The following ELAPOR2 variants were observed in gnomAD, a reference collection of about 807,000 sequenced individuals.
The protein encoded by ELAPOR2 is endosome/lysosome-associated apoptosis and autophagy regulator family member 2.
ELAPOR2 carries 89 observed loss-of-function variants against 120.7 expected under a neutral mutation model. The observed-to-expected ratio is 0.74, with a 90% CI of 0.62 to 0.88. ELAPOR2 has a LOEUF of 0.88. Ranked by LOEUF, ELAPOR2 falls within the 40% of genes least tolerant of loss-of-function variation. The pLI, the probability that ELAPOR2 is intolerant of heterozygous loss-of-function variation, is 0.00. For missense variants in ELAPOR2, 1,134 were observed against 1,251.6 expected (o/e 0.91, Z 1.42); for synonymous variants, 444 against 444.9 (o/e 1.00, Z 0.03).
chr7:86,913,760 T>C (rs1029052158), intron 13 of ELAPOR2, among the ~76,000 whole-genome samples: 17 of 152,330 alleles, frequency 1.1e-4, no homozygotes, highest in Admixed American at 1.1e-3. Context: ...ACAGAAAAGA[T>C]GTGGACTAGA....
At position 86,966,494 on chromosome 7, in the gene ELAPOR2, CA is replaced by C. The variant is rs200634047; in HGVS notation, c.190-1471del. On this transcript the variant is annotated intron_variant, in intron 1 of 21. Transcript: ENST00000450689. ...TCTCTAAAATCCACATTTCTACCAA[CA>C]GTCTGTTCAAGGCCATCTAGACTTT... 9.9e-3 allele frequency among the ~76,000 whole-genome samples: 1,512 copies of C among 152,286 alleles called. 28 individuals carry two copies. The highest frequency in any genetic ancestry group is 0.034 in the African/African-American group (1,431 of 41,568).
chr7:87,048,347 G>A (rs1795012660), intron 1 of ELAPOR2, among the ~76,000 whole-genome samples: 1 of 152,134 alleles, frequency 6.6e-6, no homozygotes, highest in South Asian at 2.1e-4. Flanking sequence ...GATAGAACTG[G>A]AGGTAATTGT....
intron 3 of ELAPOR2, among the ~76,000 whole-genome samples, 190 bp downstream of exon 3, chr7:86,947,537 T>C (rs185796422): frequency 1.3e-5 from 2 of 152,342 alleles, no homozygotes; most frequent in Admixed American, 1.3e-4. Flanking sequence ...GTCTATTATA[T>C]CCTGAGGGCA....
intron 1 of ELAPOR2, among the ~76,000 whole-genome samples, chr7:86,972,243 C>T (rs1792129158): frequency 6.6e-6 from 1 of 152,122 alleles, no homozygotes; most frequent in Non-Finnish European, 1.5e-5. Context: ...GGTTGTATCG[C>T]TCATCAGAAT....
intron 1 of ELAPOR2, among the ~76,000 whole-genome samples, chr7:87,042,188 A>G (rs1206790969): frequency 6.6e-6 from 1 of 150,870 alleles, no homozygotes; most frequent in African/African-American, 2.5e-5. Flanking sequence ...CACTGTCAAC[A>G]TTAGACAGAT....
At chr7:86,987,441 T>C (rs896751930) in intron 1 of ELAPOR2, among the ~76,000 whole-genome samples, 1 of 152,152 alleles carries the variant, frequency 6.6e-6, no homozygotes, top group Admixed American at 6.5e-5. Context: ...TTTTGCAATC[T>C]ACCCATCTGA....
intron 1 of ELAPOR2, among the ~76,000 whole-genome samples, chr7:86,979,178 G>A (rs369074800): frequency 2.0e-4 from 30 of 152,266 alleles, no homozygotes; most frequent in African/African-American, 7.2e-4. Flanking sequence ...AAAAGTTAAT[G>A]TATACAAAAG....
Position 86,908,541 on chromosome 7 carries a change from C to A in ELAPOR2, c.2362G>T (p.Val788Phe). ...TTTTTCAATGTGGTTTCAACTGTGACTCCTAGATGACATTTAAAAAGAAAC... is the reference window on the plus strand; with the variant it reads ...TTTTTCAATGTGGTTTCAACTGTGAATCCTAGATGACATTTAAAAAGAAAC... ...SIILADTFIG[V>F]TVETTLKNIN... Residue 788 changes from valine (V) to phenylalanine (F), a missense_variant and splice_region_variant, in exon 17 of 22, where the codon GTC becomes TTC. Val to Phe is a conservative substitution (Grantham distance 50). This residue lies in a region of ELAPOR2 where 831 missense variants were observed against 867.6 expected (regional missense o/e 0.96). Transcript: ENST00000450689. The A allele has an allele frequency of 6.9e-7, 1 of 1,450,062 alleles. No homozygotes were observed. The highest frequency in any genetic ancestry group is 9.4e-7 in the Non-Finnish European group (1 of 1,058,306). 89.8% of individuals were successfully genotyped at this position (1,450,062 alleles called of 1,614,324 possible). A position where few individuals can be genotyped will look rare whatever the true frequency, so the allele number is the denominator to read the frequency against.
At chr7:87,000,215 C>T (rs1004065811) in intron 1 of ELAPOR2, among the ~76,000 whole-genome samples, 5 of 152,084 alleles carry the variant, frequency 3.3e-5, no homozygotes, top group Non-Finnish European at 7.4e-5. Context: ...CAAAAGGAGA[C>T]GTATGCAAAT....
In ELAPOR2 at chr7:86,903,707, C is replaced by A. The variant is rs530650260; in HGVS notation, c.2558+3963G>T. 2.0e-5 allele frequency among the ~76,000 whole-genome samples: 3 copies of A among 152,166 alleles called. No homozygotes were observed. The South Asian group carries it at 6.2e-4, about 32-fold the overall frequency. On this transcript the variant is annotated intron_variant, in intron 18 of 21. Coordinates refer to ENST00000450689, the MANE Select transcript of ELAPOR2 (RefSeq NM_001142749.3). ...GTTCCTTTTGTGAGATTCAATATTCCCAGAGGCTATACTGATAATGGAGAT... is the reference window on the plus strand; with the variant it reads ...GTTCCTTTTGTGAGATTCAATATTCACAGAGGCTATACTGATAATGGAGAT...
At chr7:86,967,746 C>G (rs997630820) in intron 1 of ELAPOR2, among the ~76,000 whole-genome samples, 4 of 152,146 alleles carry the variant, frequency 2.6e-5, no homozygotes, top group Non-Finnish European at 5.9e-5. Flanking sequence ...ATGTCATGTG[C>G]CAATTAATTT....
intron 8 of ELAPOR2, among the ~76,000 whole-genome samples, chr7:86,934,864 C>T (rs1790498768): frequency 6.6e-6 from 1 of 151,984 alleles, no homozygotes; most frequent in South Asian, 2.1e-4. Flanking sequence ...TTCTCTCTAA[C>T]CAAATAGTAC....
In ELAPOR2 at chr7:86,941,333, A is replaced by G. The variant is rs112545820; in HGVS notation, c.741+685T>C. 105 of 532,338 alleles carry G rather than the reference A, an allele frequency of 2.0e-4. 1 individual carries two copies. Among genetic ancestry groups the G allele is most frequent in the African/African-American group, 1.6e-3 (83 of 52,006 alleles). 33.0% of individuals were successfully genotyped at this position (532,338 alleles called of 1,614,324 possible). ...AAGAGATGGTGCCTCAAATAATAAC[A>G]GATTCACTGAATTGTTACCTGGTAA... is the stretch of plus-strand genomic sequence containing the variant. On this transcript the variant is annotated intron_variant, in intron 5 of 21. Transcript: ENST00000450689.
intron 1 of ELAPOR2, among the ~76,000 whole-genome samples, chr7:87,045,809 G>A (rs1013619019): frequency 2.8e-4 from 43 of 151,230 alleles, no homozygotes; most frequent in African/African-American, 9.5e-4. Context: ...ATACCTCAAC[G>A]TAATAAAAGC....
intron 2 of ELAPOR2, among the ~76,000 whole-genome samples, chr7:86,951,355 T>C (rs1244804485): frequency 6.6e-6 from 1 of 152,194 alleles, no homozygotes; most frequent in Non-Finnish European, 1.5e-5. Context: ...TAATAAAAGG[T>C]AATATTTTAT....
intron 1 of ELAPOR2, among the ~76,000 whole-genome samples, chr7:87,036,597 G>C (rs1223450715): frequency 1.3e-5 from 2 of 152,118 alleles, no homozygotes; most frequent in African/African-American, 4.8e-5. Flanking sequence ...GAATACTATA[G>C]AGCCATAAAA....
At chr7:86,908,237 A>G (rs978332074) in intron 17 of ELAPOR2, among the ~76,000 whole-genome samples, 1 of 151,696 alleles carries the variant, frequency 6.6e-6, no homozygotes, top group Non-Finnish European at 1.5e-5. Flanking sequence ...ACTTTTTACT[A>G]TCCTTCATTT....
rs1352843731 is a variant in ELAPOR2, at chr7:87,043,996, C to G, written c.189+15329G>C. ...CAGAGAGCCAAATCATGAGTGAACT[C>G]CCATTCACAATTGCTTCAAAGAGAA... On this transcript the variant is annotated intron_variant, in intron 1 of 21. Transcript: ENST00000450689. 2.0e-5 allele frequency among the ~76,000 whole-genome samples: 3 copies of G among 148,590 alleles called. No individual in the cohort carries two copies. In the East Asian group the frequency reaches 6.0e-4, roughly 29 times the overall value.
At chr7:86,948,359 A>T (rs1360577432) in intron 2 of ELAPOR2, among the ~76,000 whole-genome samples, 2 of 152,220 alleles carry the variant, frequency 1.3e-5, no homozygotes, top group African/African-American at 4.8e-5. Context: ...TACCTCCATT[A>T]AAGCACTTAA....
Sources: allele counts gnomAD v4.1 joint callset (sites outside exome capture counted in the v4.1 genomes callset), GRCh38; gene constraint gnomAD v4.1.1; regional missense constraint gnomAD v4.1.1; transcripts MANE v1.5; gene names NCBI Gene and HGNC (gene_info 2026-07-23, HGNC 2026-07-21).